HS6ST3: variants seen among roughly 807,000 people sequenced by gnomAD.
HS6ST3 encodes the protein heparan-sulfate 6-O-sulfotransferase 3.
A neutral mutation model predicts 36.7 loss-of-function variants in HS6ST3; 12 were observed. The ratio of observed to expected loss-of-function variants is 0.33; its 90% CI spans 0.21 to 0.53. The LOEUF is 0.53. Ranked by LOEUF, HS6ST3 falls within the 20% of genes least tolerant of loss-of-function variation. The probability of loss-of-function intolerance (pLI) is 0.95; values close to 1 mark genes in which losing one functional copy is unlikely to be tolerated. For synonymous variants in HS6ST3, 240 were observed against 257.5 expected (o/e 0.93, Z 0.65); for missense variants, 584 against 640.9 (o/e 0.91, Z 0.96).
intron 1 of HS6ST3, among the ~76,000 whole-genome samples, chr13:96,525,025 A>C (rs1381791902): frequency 1.3e-5 from 2 of 151,900 alleles, no homozygotes; most frequent in Non-Finnish European, 2.9e-5. Flanking sequence ...AAAGGATACA[A>C]GTGAAGTTTT....
intron 1 of HS6ST3, among the ~76,000 whole-genome samples, chr13:96,646,739 A>T (rs2056590144): frequency 6.6e-6 from 1 of 151,978 alleles, no homozygotes; most frequent in African/African-American, 2.4e-5. Flanking sequence ...CTCATTTCAC[A>T]TATGGGCCCT....
intron 1 of HS6ST3, among the ~76,000 whole-genome samples, chr13:96,186,757 C>T (rs2054266742): frequency 6.6e-6 from 1 of 152,182 alleles, no homozygotes; most frequent in South Asian, 2.1e-4. Flanking sequence ...TAATCAGACT[C>T]TCTGATGGAT....
At chr13:96,802,588 G>A (rs745589972) in intron 1 of HS6ST3, among the ~76,000 whole-genome samples, 4 of 152,234 alleles carry the variant, frequency 2.6e-5, no homozygotes, top group African/African-American at 4.8e-5. Context: ...TGTGTAAAGC[G>A]TCCAATTCTT....
intron 1 of HS6ST3, among the ~76,000 whole-genome samples, chr13:96,434,236 T>C (rs555445595): frequency 1.3e-5 from 2 of 152,336 alleles, no homozygotes; most frequent in East Asian, 1.9e-4. Context: ...TACCCCCAGG[T>C]TGCAGTATTA....
intron 1 of HS6ST3, among the ~76,000 whole-genome samples, chr13:96,131,513 T>G (rs2053975607): frequency 6.6e-6 from 1 of 152,220 alleles, no homozygotes; most frequent in Admixed American, 6.5e-5. Context: ...ATAAATCTAA[T>G]TAACATTATG....
intron 1 of HS6ST3, among the ~76,000 whole-genome samples, chr13:96,675,060 G>T (rs1347288456): frequency 6.6e-6 from 1 of 152,092 alleles, no homozygotes; most frequent in Non-Finnish European, 1.5e-5. Flanking sequence ...TCTAAGTTCA[G>T]GCCTGCAAAC....
chr13:96,451,141 A>C (rs573420727), intron 1 of HS6ST3, among the ~76,000 whole-genome samples: 2 of 149,260 alleles, frequency 1.3e-5, no homozygotes, highest in African/African-American at 5.2e-5. Context: ...AATGTAATTT[A>C]ATGTGTAATA....
At chr13:96,291,909 A>G (rs1444913415) in intron 1 of HS6ST3, among the ~76,000 whole-genome samples, 1 of 152,168 alleles carries the variant, frequency 6.6e-6, no homozygotes, top group Non-Finnish European at 1.5e-5. Context: ...TGGAGTACAT[A>G]TTGAGTACAT....
chr13:96,761,540 C>CT (rs1193986976), intron 1 of HS6ST3, among the ~76,000 whole-genome samples: 23 of 152,054 alleles, frequency 1.5e-4, no homozygotes, highest in Non-Finnish European at 7.4e-5. Flanking sequence ...CAGGTGATTA[C>CT]TTTTTTTAAT....
At chr13:96,503,406 T>C (rs2056013397) in intron 1 of HS6ST3, among the ~76,000 whole-genome samples, 1 of 152,156 alleles carries the variant, frequency 6.6e-6, no homozygotes, top group South Asian at 2.1e-4. Context: ...CAGAAAACAA[T>C]TAGCAACACA....
At chr13:96,365,136 G>T (rs542394623) in intron 1 of HS6ST3, among the ~76,000 whole-genome samples, 3 of 152,292 alleles carry the variant, frequency 2.0e-5, no homozygotes, top group African/African-American at 7.2e-5. Context: ...GTTTAGTCCA[G>T]GTTTTAAGTC....
At position 96,123,223 on chromosome 13, in the gene HS6ST3, T is replaced by C. The variant is rs142826418; in HGVS notation, c.707+31654T>C. Among the ~76,000 whole-genome samples the C allele has an allele frequency of 1.1e-3, 160 of 152,360 alleles. 1 individual carries two copies. Among genetic ancestry groups the C allele is most frequent in the African/African-American group, 3.7e-3 (154 of 41,596 alleles). ...ATGAATTTTGCCTCTTCTCTTAAGC[T>C]GTTAACTTATTACCAATGCTTAACA... is the stretch of plus-strand genomic sequence containing the variant. On this transcript the variant is annotated intron_variant, in intron 1 of 1. Coordinates refer to ENST00000376705, the MANE Select transcript of HS6ST3 (RefSeq NM_153456.4).
At chr13:96,689,609 T>TCTTTC (rs201224495) in intron 1 of HS6ST3, among the ~76,000 whole-genome samples, 1 of 145,408 alleles carries the variant, frequency 6.9e-6, no homozygotes, top group African/African-American at 2.5e-5. Flanking sequence ...TTTCTTTCTT[T>TCTTTC]TTTTTTTTTT....
At chr13:96,415,813 A>G (rs564812477) in intron 1 of HS6ST3, among the ~76,000 whole-genome samples, 41 of 152,360 alleles carry the variant, frequency 2.7e-4, no homozygotes, top group Non-Finnish European at 4.7e-4. Flanking sequence ...TACTCCACTT[A>G]TCTTATTTTG....
At chr13:96,698,580 T>C (rs1875195490) in intron 1 of HS6ST3, among the ~76,000 whole-genome samples, 1 of 152,106 alleles carries the variant, frequency 6.6e-6, no homozygotes, top group Non-Finnish European at 1.5e-5. Flanking sequence ...CAAGGAGAAC[T>C]GCAAACCATT....
intron 1 of HS6ST3, among the ~76,000 whole-genome samples, chr13:96,508,439 A>G (rs1188403592): frequency 6.6e-6 from 1 of 152,036 alleles, no homozygotes; most frequent in African/African-American, 2.4e-5. Context: ...TGAATTATAT[A>G]GTGGTGAATT....
chr13:96,769,112 C>G (rs994800432), intron 1 of HS6ST3, among the ~76,000 whole-genome samples: 1 of 151,916 alleles, frequency 6.6e-6, no homozygotes, highest in Non-Finnish European at 1.5e-5. Flanking sequence ...ACGCACGTGC[C>G]CCACCTCCCC....
At chr13:96,121,865 G>T (rs941246070) in intron 1 of HS6ST3, among the ~76,000 whole-genome samples, 1 of 151,940 alleles carries the variant, frequency 6.6e-6, no homozygotes, top group Non-Finnish European at 1.5e-5. Context: ...ACTAATTATT[G>T]CTTTATATAC....
At chr13:96,723,444 T>C (rs1875904579) in intron 1 of HS6ST3, among the ~76,000 whole-genome samples, 1 of 152,168 alleles carries the variant, frequency 6.6e-6, no homozygotes, top group Admixed American at 6.5e-5. Flanking sequence ...CTGCACTGCC[T>C]ATGCCCAGTT....
Sources: allele counts gnomAD v4.1 joint callset (sites outside exome capture counted in the v4.1 genomes callset), GRCh38; gene constraint gnomAD v4.1.1; transcripts MANE v1.5; gene names NCBI Gene and HGNC (gene_info 2026-07-23, HGNC 2026-07-21).